TSG101: variants seen among roughly 807,000 people sequenced by gnomAD.
TSG101 encodes the protein tumor susceptibility 101, also known as tumor susceptibility gene 101 protein.
Under a neutral mutation model 48.5 loss-of-function variants are expected in TSG101, and 19 were observed. The observed-to-expected ratio is 0.39, with a 90% CI of 0.27 to 0.58. TSG101 has a LOEUF of 0.58. Among genes scored for constraint, TSG101 ranks in the 20% least tolerant of loss-of-function variants. The pLI, the probability that TSG101 is intolerant of heterozygous loss-of-function variation, is 0.55. For synonymous variants in TSG101, 174 were observed against 169.4 expected, an observed-to-expected ratio of 1.03 and a Z score of -0.21; for missense variants, 365 against 484.4, an observed-to-expected ratio of 0.75 and a Z score of 2.31.
chr11:18,499,402 A>ATATATATATATATATTTT, intron 7 of TSG101, among the ~76,000 whole-genome samples: 5 of 5,444 alleles, frequency 9.2e-4, no homozygotes, highest in Non-Finnish European at 1.0e-3. Context: ...ATATATATAT[A>ATATATATATATATATTTT]TTTTTTTTTT....
chr11:18,499,826 C>T (rs1176032948), intron 7 of TSG101, among the ~76,000 whole-genome samples: 1 of 152,050 alleles, frequency 6.6e-6, no homozygotes, highest in Non-Finnish European at 1.5e-5. Flanking sequence ...TATCCATCAC[C>T]TTGAGTATTT....
chr11:18,487,885 T>G (rs1849643730), intron 7 of TSG101, among the ~76,000 whole-genome samples: 1 of 152,144 alleles, frequency 6.6e-6, no homozygotes, highest in South Asian at 2.1e-4. Flanking sequence ...TTTTTGTATT[T>G]GGGTATTTTT....
intron 1 of TSG101, among the ~76,000 whole-genome samples, chr11:18,520,713 T>G (rs1260744144): frequency 6.6e-6 from 1 of 152,208 alleles, no homozygotes; most frequent in East Asian, 1.9e-4. Flanking sequence ...TGTGAGTTAG[T>G]TGGATCTAGA....
intron 7 of TSG101, among the ~76,000 whole-genome samples, chr11:18,499,509 C>T (rs1849854238): frequency 7.1e-6 from 1 of 141,058 alleles, no homozygotes; most frequent in African/African-American, 2.7e-5. Context: ...CTCCAGGGTT[C>T]AAGCAATTCT....
intron 2 of TSG101, among the ~76,000 whole-genome samples, 191 bp from the exon 3 acceptor site, chr11:18,516,355 TG>T (rs1565094316): frequency 2.7e-5 from 4 of 149,906 alleles, no homozygotes; most frequent in African/African-American, 7.4e-5. Flanking sequence ...AGCTCTTTTT[TG>T]TTTTTTTTTT....
chr11:18,498,015 A>T (rs1482157818), intron 7 of TSG101, among the ~76,000 whole-genome samples: 2 of 151,818 alleles, frequency 1.3e-5, no homozygotes, highest in African/African-American at 4.8e-5. Context: ...GAACTCAGCA[A>T]ATCTCTTCAA....
intron 4 of TSG101, chr11:18,511,327 A>G (rs1850077756): frequency 6.6e-6 from 1 of 152,228 alleles, no homozygotes; most frequent in Non-Finnish European, 1.5e-5. Flanking sequence ...CACCTTTTCC[A>G]AAGAACCAAA....
intron 6 of TSG101, 66 bp from the exon 7 acceptor site, chr11:18,502,643 C>T: frequency 5.5e-6 from 7 of 1,268,722 alleles, no homozygotes; most frequent in Non-Finnish European, 7.7e-6. Context: ...TTTGAAGAAC[C>T]CCATTCAGGA....
At chr11:18,522,405 G>A (rs1281096982) in intron 1 of TSG101, among the ~76,000 whole-genome samples, 2 of 152,134 alleles carry the variant, frequency 1.3e-5, no homozygotes, top group Non-Finnish European at 2.9e-5. Flanking sequence ...CAAAAACCAT[G>A]ACATTATCCT....
intron 7 of TSG101, among the ~76,000 whole-genome samples, chr11:18,492,453 T>G (rs896509059): frequency 6.6e-6 from 1 of 152,230 alleles, no homozygotes; most frequent in East Asian, 1.9e-4. Flanking sequence ...ATTATACTGA[T>G]GCTAAATTTT....
intron 2 of TSG101, among the ~76,000 whole-genome samples, chr11:18,518,824 T>G (rs748856068): frequency 6.6e-6 from 1 of 152,110 alleles, no homozygotes; most frequent in Non-Finnish European, 1.5e-5. Flanking sequence ...TAAATCTTCA[T>G]GCAATGAAAC....
Position 18,499,381 on chromosome 11 carries a change from A to AATATAT in TSG101, c.640+3099_640+3104dup, listed in dbSNP as rs1229188041. Among the ~76,000 whole-genome samples the AATATAT allele has an allele frequency of 3.7e-3, 46 of 12,286 alleles. 4 individuals are homozygous for AATATAT. Among genetic ancestry groups the AATATAT allele is most frequent in the Admixed American group, 0.012 (5 of 422 alleles). The allele number at this position is 12,286 out of a possible 152,430, so 8.1% of individuals were successfully genotyped here. ...TTATATATAAATATGTTTATATTTA[A>AATATAT]ATATATATATATATATATATATTTT... On this transcript the variant is annotated intron_variant, in intron 7 of 9. Coordinates refer to ENST00000251968, the MANE Select transcript of TSG101 (RefSeq NM_006292.4).
chr11:18,517,666 G>A (rs1394222086), intron 2 of TSG101, among the ~76,000 whole-genome samples: 1 of 152,174 alleles, frequency 6.6e-6, no homozygotes, highest in Non-Finnish European at 1.5e-5. Context: ...TCTGGTATAG[G>A]TTGTAGCCTA....
intron 7 of TSG101, among the ~76,000 whole-genome samples, chr11:18,493,685 C>T (rs1204183033): frequency 4.6e-5 from 7 of 152,152 alleles, no homozygotes; most frequent in African/African-American, 1.7e-4. Flanking sequence ...AGAAACTAGA[C>T]CGAGAACATA....
intron 4 of TSG101, among the ~76,000 whole-genome samples, 163 bp downstream of exon 4, chr11:18,514,515 C>T (rs1462129029): frequency 6.6e-6 from 1 of 152,202 alleles, no homozygotes; most frequent in Non-Finnish European, 1.5e-5. Flanking sequence ...AAACCCATTT[C>T]TTTTAGTCAG....
intron 8 of TSG101, among the ~76,000 whole-genome samples, chr11:18,482,243 G>A (rs1017021940): frequency 2.6e-5 from 4 of 152,200 alleles, no homozygotes; most frequent in Non-Finnish European, 1.5e-5. Flanking sequence ...TGCCATAGGA[G>A]AGTAACTTTC....
At chr11:18,495,573 T>G (rs1421781565) in intron 7 of TSG101, among the ~76,000 whole-genome samples, 1 of 152,044 alleles carries the variant, frequency 6.6e-6, no homozygotes, top group East Asian at 1.9e-4. Context: ...TATGTGAAAC[T>G]GATTAAGATA....
At chr11:18,502,309 T>C (rs749828035) in intron 7 of TSG101, among the ~76,000 whole-genome samples, 177 bp downstream of exon 7, 4 of 152,240 alleles carry the variant, frequency 2.6e-5, no homozygotes, top group African/African-American at 7.2e-5. Context: ...CATGCCCTGG[T>C]AGAAGGTTCA....
chr11:18,481,491 T>C, intron 9 of TSG101, 139 bp downstream of exon 9: 1 of 1,447,776 alleles, frequency 6.9e-7, no homozygotes, highest in Non-Finnish European at 9.0e-7. Flanking sequence ...TGCAAAACCC[T>C]ACATCTCATT....
Sources: allele counts gnomAD v4.1 joint callset (sites outside exome capture counted in the v4.1 genomes callset), GRCh38; gene constraint gnomAD v4.1.1; transcripts MANE v1.5; gene names NCBI Gene and HGNC (gene_info 2026-07-23, HGNC 2026-07-21).